Variants in LRMDA observed in about 807,000 individuals in gnomAD.
LRMDA encodes the protein leucine-rich melanocyte differentiation-associated protein.
In LRMDA, 18 loss-of-function variants were observed where a neutral mutation model predicts 29.8. The ratio of observed to expected loss-of-function variants is 0.60; its 90% CI spans 0.42 to 0.90. The LOEUF (loss-of-function observed/expected upper bound fraction) is 0.90, where lower values mean the gene tolerates loss of function less well. LRMDA is among the 40% of genes least tolerant of loss of function. LRMDA has a pLI of 0.00. For synonymous variants in LRMDA, 125 were observed against 109.4 expected (o/e 1.14, Z -0.89); for missense variants, 273 against 273.9 (o/e 1.00, Z 0.02).
chr10:75,672,835 G>A (rs1031318609), intron 2 of LRMDA, among the ~76,000 whole-genome samples: 1 of 151,292 alleles, frequency 6.6e-6, no homozygotes, highest in Non-Finnish European at 1.5e-5. Flanking sequence ...ATCTCTCAAA[G>A]TGCTGGGGTT....
At chr10:75,461,261 G>T (rs1231295520) in intron 2 of LRMDA, among the ~76,000 whole-genome samples, 1 of 152,198 alleles carries the variant, frequency 6.6e-6, no homozygotes, top group East Asian at 1.9e-4. Flanking sequence ...TGTTGATATG[G>T]AAGCAACTTA....
At chr10:76,081,984 G>A (rs2132080123) in intron 5 of LRMDA, among the ~76,000 whole-genome samples, 1 of 152,236 alleles carries the variant, frequency 6.6e-6, no homozygotes, top group South Asian at 2.1e-4. Context: ...TGGGTAGGAG[G>A]TAGTTCTTTG....
chr10:75,945,589 A>G (rs1846463304), intron 2 of LRMDA, among the ~76,000 whole-genome samples: 1 of 152,162 alleles, frequency 6.6e-6, no homozygotes, highest in African/African-American at 2.4e-5. Context: ...AGTTTTTAGA[A>G]TATTTTGTCC....
intron 2 of LRMDA, among the ~76,000 whole-genome samples, chr10:76,023,752 C>G (rs781161033): frequency 6.6e-6 from 1 of 152,218 alleles, no homozygotes; most frequent in South Asian, 2.1e-4. Flanking sequence ...CTGTCATCTC[C>G]CCATGCATTC....
At chr10:75,610,041 T>C (rs1442741029) in intron 2 of LRMDA, among the ~76,000 whole-genome samples, 1 of 152,152 alleles carries the variant, frequency 6.6e-6, no homozygotes, top group Admixed American at 6.5e-5. Flanking sequence ...CTGGGTAAAT[T>C]ACAGCTTCCG....
At chr10:75,990,184 C>T (rs2132458443) in intron 2 of LRMDA, among the ~76,000 whole-genome samples, 1 of 152,340 alleles carries the variant, frequency 6.6e-6, no homozygotes, top group Non-Finnish European at 1.5e-5. Context: ...CAGAGCGTCT[C>T]ACACACGGAC....
At chr10:75,745,390 A>G (rs1842879659) in intron 2 of LRMDA, among the ~76,000 whole-genome samples, 1 of 152,196 alleles carries the variant, frequency 6.6e-6, no homozygotes. Flanking sequence ...GTTATTAACT[A>G]TAGTCCTCAT....
chr10:75,496,391 T>C (rs1845044674), intron 2 of LRMDA, among the ~76,000 whole-genome samples: 1 of 152,228 alleles, frequency 6.6e-6, no homozygotes, highest in South Asian at 2.1e-4. Context: ...TGTAAAGTGC[T>C]TAGCACATAG....
intron 2 of LRMDA, among the ~76,000 whole-genome samples, chr10:75,645,032 G>C (rs1349394083): frequency 2.7e-5 from 4 of 149,582 alleles, no homozygotes; most frequent in African/African-American, 9.9e-5. Flanking sequence ...TCCCAGGCTA[G>C]AGTGCAATGG....
intron 2 of LRMDA, among the ~76,000 whole-genome samples, chr10:75,728,508 A>G (rs1267479943): frequency 6.6e-6 from 1 of 150,794 alleles, no homozygotes; most frequent in African/African-American, 2.4e-5. Context: ...AGACACTGGA[A>G]AACGTGGTCC....
At chr10:76,115,979 T>C (rs1298199826) in intron 5 of LRMDA, among the ~76,000 whole-genome samples, 1 of 152,132 alleles carries the variant, frequency 6.6e-6, no homozygotes, top group African/African-American at 2.4e-5. Context: ...CCTCAATGCA[T>C]CAAGTACTGC....
intron 5 of LRMDA, among the ~76,000 whole-genome samples, chr10:76,303,574 A>T (rs2758985): frequency 0.87 from 132,670 of 151,992 alleles, 58,633 homozygotes; most frequent in Non-Finnish European, 0.95. Flanking sequence ...CCCTTCTTCC[A>T]CTATCATTTA....
intron 6 of LRMDA, among the ~76,000 whole-genome samples, chr10:76,392,849 C>T (rs1400799028): frequency 6.6e-6 from 1 of 152,040 alleles, no homozygotes; most frequent in Non-Finnish European, 1.5e-5. Context: ...CTTACTTATA[C>T]TCCCAGCAGT....
intron 5 of LRMDA, among the ~76,000 whole-genome samples, chr10:76,289,212 G>A (rs1314789192): frequency 6.6e-6 from 1 of 152,044 alleles, no homozygotes; most frequent in Non-Finnish European, 1.5e-5. Flanking sequence ...CCTCAATGAG[G>A]GGGAAATTCG....
chr10:76,542,867 T>A (rs1197341830), intron 6 of LRMDA, among the ~76,000 whole-genome samples: 3 of 152,140 alleles, frequency 2.0e-5, no homozygotes. Context: ...CACTGTTGAT[T>A]AATTTGTTTT....
At chr10:75,670,279 CTT>C (rs1400491617) in intron 2 of LRMDA, among the ~76,000 whole-genome samples, 2 of 152,186 alleles carry the variant, frequency 1.3e-5, no homozygotes, top group Non-Finnish European at 2.9e-5. Flanking sequence ...TCTAAAGTGA[CTT>C]TGAAATGTGC....
At chr10:75,876,713 G>T (rs1845204330) in intron 2 of LRMDA, among the ~76,000 whole-genome samples, 1 of 152,172 alleles carries the variant, frequency 6.6e-6, no homozygotes, top group Non-Finnish European at 1.5e-5. Context: ...TTCAGCAAAA[G>T]TAACTCCTCC....
chr10:75,562,756 C>A, intron 2 of LRMDA, among the ~76,000 whole-genome samples: 1 of 152,050 alleles, frequency 6.6e-6, no homozygotes, highest in Non-Finnish European at 1.5e-5. Flanking sequence ...ATTTGCTTGT[C>A]TGTAAAGTAT....
At chr10:75,657,958 G>A (rs1440836402) in intron 2 of LRMDA, among the ~76,000 whole-genome samples, 3 of 152,078 alleles carry the variant, frequency 2.0e-5, no homozygotes, top group Non-Finnish European at 4.4e-5. Context: ...AGTGCATCCC[G>A]AGAGAGACAG....
Sources: gnomAD v4.1 joint callset for allele counts (sites outside exome capture counted in the v4.1 genomes callset) on GRCh38, gnomAD v4.1.1 for gene constraint, MANE v1.5 for transcripts, NCBI Gene and HGNC (gene_info 2026-07-23, HGNC 2026-07-21) for gene names.